The following DCAF6 variants were observed in gnomAD, a reference collection of about 807,000 sequenced individuals.
DCAF6 encodes the protein DDB1- and CUL4-associated factor 6.
A neutral mutation model predicts 125.1 loss-of-function variants in DCAF6; 54 were observed. The observed-to-expected ratio is 0.43, with a 90% CI of 0.35 to 0.54. The LOEUF is 0.54. Among genes scored for constraint, DCAF6 ranks in the 20% least tolerant of loss-of-function variants. The probability of loss-of-function intolerance (pLI) is 0.01; values close to 1 mark genes in which losing one functional copy is unlikely to be tolerated. For missense variants in DCAF6, 934 were observed against 1,161.7 expected (o/e 0.80, Z 2.85); for synonymous variants, 371 against 390.4 (o/e 0.95, Z 0.58).
At chr1:167,890,743 A>T in the DCAF6 span, among the ~76,000 whole-genome samples, 1 of 152,170 alleles carries the variant, frequency 6.6e-6, no homozygotes, top group African/African-American at 2.4e-5. Context: ...ATGCTATGTA[A>T]TTCAAACTTC....
intron 16 of DCAF6, among the ~76,000 whole-genome samples, chr1:168,050,166 T>C (rs574044045): frequency 6.6e-6 from 1 of 152,242 alleles, no homozygotes; most frequent in South Asian, 2.1e-4. Flanking sequence ...TCTAACAATT[T>C]TTTCCCTAAA....
chr1:167,880,463 G>A, the DCAF6 span: 47,820 of 1,526,540 alleles, frequency 0.031, 6,754 homozygotes, highest in African/African-American at 0.41. Context: ...GTCAGGGACC[G>A]CTGGGTGGGA....
At chr1:167,931,811 A>G (rs768124972), upstream of DCAF6, among the ~76,000 whole-genome samples, 3 of 152,186 alleles carry the variant, frequency 2.0e-5, no homozygotes, top group Non-Finnish European at 4.4e-5. Flanking sequence ...TATGATACAG[A>G]TATTTCCTTA....
chr1:167,966,310 C>T (rs1247243493), intron 2 of DCAF6, among the ~76,000 whole-genome samples: 1 of 152,198 alleles, frequency 6.6e-6, no homozygotes, highest in African/African-American at 2.4e-5. Flanking sequence ...GGCCCGTGGG[C>T]TGCATGAGGC....
At chr1:167,935,204 T>C (rs1053245877), upstream of DCAF6, among the ~76,000 whole-genome samples, 11 of 152,178 alleles carry the variant, frequency 7.2e-5, no homozygotes, top group African/African-American at 2.4e-4. Flanking sequence ...ACACTGGACC[T>C]ATGGGATGAG....
At chr1:167,875,345 G>A in the DCAF6 span, among the ~76,000 whole-genome samples, 1 of 152,220 alleles carries the variant, frequency 6.6e-6, no homozygotes, top group Non-Finnish European at 1.5e-5. Flanking sequence ...AAGGAGAAAC[G>A]AGAAGGTCTG....
intron 5 of DCAF6, among the ~76,000 whole-genome samples, chr1:167,989,621 G>C (rs180989714): frequency 6.6e-6 from 1 of 152,176 alleles, no homozygotes; most frequent in South Asian, 2.1e-4. Flanking sequence ...GGTGGCTCAC[G>C]CCTGTAATCC....
At chr1:167,912,171 C>T in the DCAF6 span, among the ~76,000 whole-genome samples, 1 of 152,146 alleles carries the variant, frequency 6.6e-6, no homozygotes, top group African/African-American at 2.4e-5. Context: ...TTATGTGAAG[C>T]ATTCTATTGT....
chr1:168,057,549 T>C (rs1224400714), intron 17 of DCAF6, among the ~76,000 whole-genome samples: 1 of 152,246 alleles, frequency 6.6e-6, no homozygotes, highest in African/African-American at 2.4e-5. Context: ...GCTTTGAAAT[T>C]GCTGGATAAT....
chr1:167,878,538 T>C, the DCAF6 span: 37 of 1,614,088 alleles, frequency 2.3e-5, no homozygotes, highest in Non-Finnish European at 2.9e-5. Context: ...AAAAGTACGC[T>C]GGTAGGTTGC....
chr1:167,912,992 G>A, the DCAF6 span, among the ~76,000 whole-genome samples: 7 of 152,132 alleles, frequency 4.6e-5, no homozygotes, highest in African/African-American at 1.7e-4. Context: ...ATTTGTATAC[G>A]CTTTATAGCA....
chr1:167,873,667 T>C, the DCAF6 span, among the ~76,000 whole-genome samples: 2 of 152,106 alleles, frequency 1.3e-5, no homozygotes, highest in Admixed American at 1.3e-4. Flanking sequence ...TACAATAAGG[T>C]CCCTATCACC....
intron 11 of DCAF6, among the ~76,000 whole-genome samples, chr1:168,017,225 TG>T (rs770878378): frequency 1.3e-5 from 2 of 150,572 alleles, no homozygotes; most frequent in Non-Finnish European, 3.0e-5. Flanking sequence ...AAAACATTTT[TG>T]TTTTTTTTTT....
Position 168,044,987 on chromosome 1 carries a change from C to T in DCAF6, c.2018C>T (p.Pro673Leu). ...DLNLDRSCGV[P>L]EESASSEKAK... ...AATCTTGATCGCTCTTGTGGGGTTC[C>T]AGAAGAATCTGCTTCATCTGAAAAA... is the stretch of plus-strand genomic sequence containing the variant. Residue 673 changes from proline to leucine, a missense_variant, in exon 16 of 22, where the codon CCA (proline) becomes CTA (leucine). By Grantham distance (98) the Pro-to-Leu change is moderately conservative (BLOSUM62 -3). This residue lies in a region of DCAF6 where 559 missense variants were observed against 635.5 expected (regional missense o/e 0.88). Coordinates refer to ENST00000367840, the MANE Select transcript of DCAF6 (RefSeq NM_001198956.2). 6.2e-7 allele frequency: 1 copy of T among 1,614,054 alleles called. No individual in the cohort carries two copies. The highest frequency in any genetic ancestry group is 8.5e-7 in the Non-Finnish European group (1 of 1,179,956).
At chr1:167,932,795 C>CA (rs1382551251), upstream of DCAF6, among the ~76,000 whole-genome samples, 1 of 114,574 alleles carries the variant, frequency 8.7e-6, no homozygotes, top group Non-Finnish European at 1.7e-5. Context: ...GGGAACAGAG[C>CA]AAGACTCTGT....
At chr1:168,026,169 A>G (rs201539) in intron 12 of DCAF6, among the ~76,000 whole-genome samples, 69,935 of 152,044 alleles carry the variant, frequency 0.46, 18,235 homozygotes, top group African/African-American at 0.71. Context: ...CATTGCATTT[A>G]TCACATTTGT....
At chr1:167,931,014 C>T (rs1009632022), upstream of DCAF6, among the ~76,000 whole-genome samples, 3 of 152,232 alleles carry the variant, frequency 2.0e-5, no homozygotes, top group African/African-American at 7.2e-5. Context: ...TCACTGCAAC[C>T]TCCATCTTCT....
At chr1:168,055,341 T>TG (rs1438998109) in intron 17 of DCAF6, among the ~76,000 whole-genome samples, 8 of 17,952 alleles carry the variant, frequency 4.5e-4, no homozygotes, top group East Asian at 2.3e-3. Context: ...GTTTTTTTTT[T>TG]TTTTTTTTTT....
intron 17 of DCAF6, among the ~76,000 whole-genome samples, chr1:168,063,226 C>A (rs1280261042): frequency 6.6e-6 from 1 of 152,088 alleles, no homozygotes; most frequent in Admixed American, 6.5e-5. Context: ...AGTTTCTTTT[C>A]ATTTCTCTTT....
Sources: allele counts gnomAD v4.1 joint callset (sites outside exome capture counted in the v4.1 genomes callset), GRCh38; gene constraint gnomAD v4.1.1; regional missense constraint gnomAD v4.1.1; transcripts MANE v1.5; gene names NCBI Gene and HGNC (gene_info 2026-07-23, HGNC 2026-07-21).